SLF2: variants seen among roughly 807,000 people sequenced by gnomAD.
SLF2 encodes SMC5-SMC6 complex localization factor protein 2.
In SLF2, 68 loss-of-function variants were observed where a neutral mutation model predicts 124.3. That is an observed-to-expected ratio of 0.55 (90% CI 0.45 to 0.67). The LOEUF (loss-of-function observed/expected upper bound fraction) is 0.67, where lower values mean the gene tolerates loss of function less well. Among genes scored for constraint, SLF2 ranks in the 30% least tolerant of loss-of-function variants. The probability of loss-of-function intolerance (pLI) is 0.00; values close to 1 mark genes in which losing one functional copy is unlikely to be tolerated. For synonymous variants in SLF2, 480 were observed against 478.8 expected, an observed-to-expected ratio of 1.00 and a Z score of -0.03; for missense variants, 1,246 against 1,373.7, an observed-to-expected ratio of 0.91 and a Z score of 1.47.
At position 100,962,159 on chromosome 10, in the gene SLF2, G is replaced by T; in HGVS notation, c.*247G>T. 15 of 362,742 alleles carry T rather than the reference G, an allele frequency of 4.1e-5. No individual in the cohort carries two copies. The allele number at this position is 362,742 out of a possible 1,614,324, so 22.5% of individuals were successfully genotyped here. On this transcript the variant is annotated 3_prime_UTR_variant, in exon 20 of 20. Transcript: ENST00000238961. ...AGTGCAGAGTCTTATTAAAAGAGGG[G>T]AGGGGTAGAAGCAGAATAATAGTCA... is the stretch of plus-strand genomic sequence containing the variant.
chr10:100,924,071 G>A lies in SLF2; in HGVS notation c.1070G>A (p.Arg357Lys). ...AGAGAATCTATGATACCAAAAGCAA[G>A]AGAGTCCTTCCTTGAGAAGCGTCCT... ...STRESMIPKA[R>K]ESFLEKRPDG... The change falls in exon 5 of 20, where the codon AGA (arginine) becomes AAA (lysine). Residue 357 changes from arginine (R) to lysine (K), a missense_variant. Arg to Lys is a conservative substitution (Grantham distance 26). Around this residue, in one of 3 missense-constraint regions of SLF2, gnomAD observed 698 missense variants for 708.9 expected, o/e 0.98. Transcript: ENST00000238961. 6.2e-7 allele frequency: 1 copy of A among 1,612,114 alleles called. No individual in the cohort carries two copies. Among genetic ancestry groups the A allele is most frequent in the Non-Finnish European group, 8.5e-7 (1 of 1,179,514 alleles).
At chr10:100,927,133 T>A (rs1478726782) in intron 6 of SLF2, among the ~76,000 whole-genome samples, 1 of 152,202 alleles carries the variant, frequency 6.6e-6, no homozygotes, top group African/African-American at 2.4e-5. Flanking sequence ...CATTTTTACA[T>A]GTACAGTTCA....
chr10:100,938,459 T>C (rs1339604106), intron 10 of SLF2, 136 bp from the exon 11 acceptor site: 1 of 769,164 alleles, frequency 1.3e-6, no homozygotes, highest in Non-Finnish European at 2.1e-6. Flanking sequence ...ATAACTGTAT[T>C]GTTAGCATAA....
At position 100,924,047 on chromosome 10, in the gene SLF2, G is replaced by T; in HGVS notation, c.1046G>T (p.Arg349Ile). The T allele has an allele frequency of 1.2e-6, 2 of 1,606,456 alleles. No individual in the cohort carries two copies. The highest frequency in any genetic ancestry group is 1.7e-6 in the Non-Finnish European group (2 of 1,178,000). ...GTGGACTCAGATCTGAAAAGCACAA[G>T]AGAATCTATGATACCAAAAGCAAGA... ...NSVDSDLKST[R>I]ESMIPKARES... Residue 349 changes from arginine (R) to isoleucine (I), a missense_variant, in exon 5 of 20, where the codon AGA (arginine) becomes ATA (isoleucine). This residue lies in a region of SLF2 where 698 missense variants were observed against 708.9 expected (regional missense o/e 0.98). Transcript: ENST00000238961.
chr10:100,940,858 T>C (rs2133803910), intron 11 of SLF2, among the ~76,000 whole-genome samples: 1 of 104,772 alleles, frequency 9.5e-6, no homozygotes, highest in East Asian at 2.5e-4. Flanking sequence ...TTCCATGAGA[T>C]GAGGTCTTGG....
intron 3 of SLF2, among the ~76,000 whole-genome samples, chr10:100,917,939 T>A (rs1379842264): frequency 6.6e-6 from 1 of 151,744 alleles, no homozygotes; most frequent in Non-Finnish European, 1.5e-5. Flanking sequence ...AATAAATAAA[T>A]AACCAGTCAT....
In SLF2 at chr10:100,917,157, G is replaced by A. The variant is rs762464041; in HGVS notation, c.772G>A (p.Glu258Lys). 6.2e-7 allele frequency: 1 copy of A among 1,613,968 alleles called. No individual in the cohort carries two copies. The highest frequency in any genetic ancestry group is 8.5e-7 in the Non-Finnish European group (1 of 1,180,050). The stretch of plus-strand genomic sequence containing the variant: ...AAAGAGGTTGAGAAAGGAGCAAATG[G>A]AGCAGAGAATCAACTCCGAGAATTC... ...ELKRLRKEQM[E>K]QRINSENSFS... The change falls in exon 3 of 20, where the codon GAG (glutamate) becomes AAG (lysine). Residue 258 changes from glutamate (E) to lysine (K), a missense_variant. Glu to Lys is a moderately conservative substitution (Grantham distance 56). Coordinates refer to ENST00000238961, the MANE Select transcript of SLF2 (RefSeq NM_018121.4).
chr10:100,936,641 T>C (rs1418429570), intron 9 of SLF2, among the ~76,000 whole-genome samples: 1 of 152,116 alleles, frequency 6.6e-6, no homozygotes, highest in East Asian at 1.9e-4. Context: ...GCCAGTGATA[T>C]CTTACTGTTT....
At chr10:100,944,763 G>C (rs892148755) in intron 12 of SLF2, among the ~76,000 whole-genome samples, 3 of 152,198 alleles carry the variant, frequency 2.0e-5, no homozygotes, top group Non-Finnish European at 4.4e-5. Flanking sequence ...GGTGGCTCAT[G>C]CCTGTAATCC....
Position 100,950,089 on chromosome 10 carries a change from A to G in SLF2, c.3134A>G (p.His1045Arg). The change falls in exon 16 of 20, where the codon CAT becomes CGT. Residue 1045 changes from histidine to arginine, a missense_variant. This residue lies in a region of SLF2 where 535 missense variants were observed against 632.8 expected (regional missense o/e 0.85). Coordinates refer to ENST00000238961, the MANE Select transcript of SLF2 (RefSeq NM_018121.4). Reference protein sequence around the residue: ...NASNLQVSVLHRYLVQMKPSD... With the variant: ...NASNLQVSVLRRYLVQMKPSD... ...TTCTTTTGATAGGTATCAGTCCTAC[A>G]TCGCTATCTTGTGCAGATGAAGCCT... 6.2e-7 allele frequency: 1 copy of G among 1,611,480 alleles called. No individual in the cohort carries two copies. The highest frequency in any genetic ancestry group is 8.5e-7 in the Non-Finnish European group (1 of 1,178,814).
At chr10:100,932,736 C>T (rs191299230) in intron 9 of SLF2, among the ~76,000 whole-genome samples, 261 of 151,166 alleles carry the variant, frequency 1.7e-3, no homozygotes, top group African/African-American at 5.7e-3. Flanking sequence ...CGCGCGCGCG[C>T]GCACATTTGT....
chr10:100,959,606 C>T (rs755684994), intron 19 of SLF2, 110 bp downstream of exon 19: 5 of 1,390,996 alleles, frequency 3.6e-6, no homozygotes, highest in Admixed American at 5.4e-5. Context: ...TTCTAGTTAT[C>T]TTAAGATAAA....
At chr10:100,931,455 T>A (rs2133784047) in intron 9 of SLF2, among the ~76,000 whole-genome samples, 2 of 152,128 alleles carry the variant, frequency 1.3e-5, no homozygotes, top group Middle Eastern at 6.8e-3. Context: ...TATTTCCCCA[T>A]TCGTATATAT....
intron 17 of SLF2, among the ~76,000 whole-genome samples, chr10:100,951,130 C>G (rs1056579365): frequency 6.6e-6 from 1 of 152,122 alleles, no homozygotes; most frequent in African/African-American, 2.4e-5. Flanking sequence ...GTAATCCCAG[C>G]TGTTCGGGAG....
chr10:100,914,200 T>A (rs547694776), intron 1 of SLF2, among the ~76,000 whole-genome samples: 28 of 152,310 alleles, frequency 1.8e-4, no homozygotes, highest in African/African-American at 6.0e-4. Flanking sequence ...CCATAATACA[T>A]CCAAGTTATC....
intron 19 of SLF2, among the ~76,000 whole-genome samples, chr10:100,960,847 T>C (rs1026451182): frequency 2.0e-5 from 3 of 152,016 alleles, no homozygotes; most frequent in Non-Finnish European, 2.9e-5. Context: ...CTAGTAAGTG[T>C]GCCAGCCTGC....
chr10:100,926,471 C>A lies in SLF2; in HGVS notation c.2042+452C>A, dbSNP rs184955671. 1.2e-4 allele frequency: 60 copies of A among 491,788 alleles called. No individual in the cohort carries two copies. In the East Asian group the frequency reaches 2.2e-3, roughly 18 times the overall value. The allele number at this position is 491,788 out of a possible 1,614,324, so 30.5% of individuals were successfully genotyped here. On this transcript the variant is annotated intron_variant, in intron 6 of 19. Coordinates refer to ENST00000238961, the MANE Select transcript of SLF2 (RefSeq NM_018121.4). ...ATACAAAAATTAGCCAGTCATGGTG[C>A]CACATACCTATGGTCCCAGCTACTC...
chr10:100,959,895 A>G (rs1242279493), intron 19 of SLF2, among the ~76,000 whole-genome samples: 1 of 152,130 alleles, frequency 6.6e-6, no homozygotes, highest in Non-Finnish European at 1.5e-5. Flanking sequence ...TCACCCCAAA[A>G]AGAAATCCCA....
Position 100,918,370 on chromosome 10 carries a change from C to A in SLF2, c.916-14C>A. On this transcript the variant is annotated splice_polypyrimidine_tract_variant and intron_variant, in intron 3 of 19. Transcript: ENST00000238961. ...CCCCAACACTTAATTAATTTTATCT[C>A]ATTGTGCTCATAGGAAAATGGACAT... 2 of 1,560,770 alleles carry A rather than the reference C, an allele frequency of 1.3e-6. No homozygotes were observed. Among genetic ancestry groups the A allele is most frequent in the African/African-American group, 1.4e-5 (1 of 73,098 alleles).
Sources: allele counts gnomAD v4.1 joint callset (sites outside exome capture counted in the v4.1 genomes callset), GRCh38; gene constraint gnomAD v4.1.1; regional missense constraint gnomAD v4.1.1; transcripts MANE v1.5; gene names NCBI Gene and HGNC (gene_info 2026-07-23, HGNC 2026-07-21).